Variants in NPAS3 observed in about 807,000 individuals in gnomAD.
The protein encoded by NPAS3 is neuronal PAS domain-containing protein 3.
A neutral mutation model predicts 73.1 loss-of-function variants in NPAS3; 14 were observed. The observed-to-expected ratio is 0.19, with a 90% CI of 0.13 to 0.30. The LOEUF (loss-of-function observed/expected upper bound fraction) is 0.30. NPAS3 is among the 10% of genes least tolerant of loss of function. The pLI, the probability that NPAS3 is intolerant of heterozygous loss-of-function variation, is 1.00. For synonymous variants in NPAS3, 620 were observed against 541.5 expected (o/e 1.14, Z -2.01); for missense variants, 1,096 against 1,250.0 (o/e 0.88, Z 1.86).
upstream of NPAS3, among the ~76,000 whole-genome samples, chr14:32,936,542 A>G (rs1053711527): frequency 2.0e-5 from 3 of 152,168 alleles, no homozygotes; most frequent in Non-Finnish European, 4.4e-5. Context: ...TGACAATAGT[A>G]TCTGGCGGTC....
chr14:33,592,508 G>A (rs879495249), intron 5 of NPAS3, among the ~76,000 whole-genome samples: 4 of 152,184 alleles, frequency 2.6e-5, no homozygotes, highest in Non-Finnish European at 4.4e-5. Flanking sequence ...CTAAAGAAGA[G>A]GTGGGATTTG....
intron 9 of NPAS3, among the ~76,000 whole-genome samples, chr14:33,785,131 A>G (rs531295868): frequency 6.6e-6 from 1 of 152,016 alleles, no homozygotes; most frequent in South Asian, 2.1e-4. Context: ...CGATCAGAAG[A>G]AGAAAACAAA....
At chr14:33,273,458 C>A (rs1000572415) in intron 3 of NPAS3, among the ~76,000 whole-genome samples, 3 of 152,144 alleles carry the variant, frequency 2.0e-5, no homozygotes, top group Non-Finnish European at 4.4e-5. Context: ...TCAGAGGCCC[C>A]ATTTTCTTAT....
rs565116575 is a variant in NPAS3 at position 33,014,950 on chromosome 14, G to A, written c.51-40955G>A. 2.6e-5 allele frequency among the ~76,000 whole-genome samples: 4 copies of A among 152,322 alleles called. 1 individual carries two copies. The South Asian group carries it at 8.3e-4, about 32-fold the overall frequency. ...CCAGCAGTAAGGAGTATTCACAGGTGCTGAGTTGTAGAGGACTCTTACTCG... is the reference window on the plus strand; with the variant it reads ...CCAGCAGTAAGGAGTATTCACAGGTACTGAGTTGTAGAGGACTCTTACTCG... On this transcript the variant is annotated intron_variant, in intron 1 of 11. Coordinates refer to ENST00000356141, the Ensembl canonical transcript of NPAS3.
At chr14:33,627,394 C>G (rs1474611011) in intron 5 of NPAS3, among the ~76,000 whole-genome samples, 1 of 152,228 alleles carries the variant, frequency 6.6e-6, no homozygotes, top group East Asian at 1.9e-4. Context: ...AGCTAAAATA[C>G]TCTTCACTAT....
intron 2 of NPAS3, among the ~76,000 whole-genome samples, chr14:33,141,605 CAT>C (rs1269483514): frequency 2.0e-5 from 3 of 152,106 alleles, no homozygotes; most frequent in African/African-American, 2.4e-5. Context: ...TAGCGTGTCT[CAT>C]ATCATTAAAT....
chr14:33,671,777 C>T (rs937495610), intron 5 of NPAS3, among the ~76,000 whole-genome samples: 3 of 151,564 alleles, frequency 2.0e-5, no homozygotes, highest in African/African-American at 7.3e-5. Flanking sequence ...ATGCTTCCTC[C>T]TTCTTCTGCT....
intron 5 of NPAS3, among the ~76,000 whole-genome samples, chr14:33,664,922 G>C (rs571438624): frequency 6.6e-6 from 1 of 152,170 alleles, no homozygotes; most frequent in Middle Eastern, 3.2e-3. Context: ...GTGTAAACTC[G>C]TTCAACCATT....
At chr14:33,092,022 T>C (rs538831331) in intron 2 of NPAS3, among the ~76,000 whole-genome samples, 5 of 152,310 alleles carry the variant, frequency 3.3e-5, no homozygotes, top group African/African-American at 1.2e-4. Context: ...TCATACTGAA[T>C]GGGCAACAAC....
chr14:33,276,716 C>T (rs1015312950), intron 3 of NPAS3, among the ~76,000 whole-genome samples: 15 of 151,870 alleles, frequency 9.9e-5, no homozygotes, highest in Non-Finnish European at 2.2e-4. Flanking sequence ...ACATATCATA[C>T]TTGGCATATA....
intron 4 of NPAS3, among the ~76,000 whole-genome samples, chr14:33,536,795 C>G (rs766475515): frequency 2.6e-5 from 4 of 151,980 alleles, no homozygotes; most frequent in African/African-American, 4.8e-5. Flanking sequence ...CTATGTTTAC[C>G]AATAAAATTA....
chr14:33,688,971 A>C (rs1387854375), intron 6 of NPAS3, among the ~76,000 whole-genome samples: 1 of 152,212 alleles, frequency 6.6e-6, no homozygotes, highest in Non-Finnish European at 1.5e-5. Flanking sequence ...AGACTTTTAA[A>C]ATCTGCAGTC....
At chr14:33,053,609 A>G (rs577494175) in intron 1 of NPAS3, among the ~76,000 whole-genome samples, 1 of 152,356 alleles carries the variant, frequency 6.6e-6, no homozygotes, top group South Asian at 2.1e-4. Flanking sequence ...TTTGATGATA[A>G]CATATTGTAG....
chr14:33,592,105 A>G (rs2057089259), intron 5 of NPAS3, among the ~76,000 whole-genome samples: 1 of 152,100 alleles, frequency 6.6e-6, no homozygotes, highest in African/African-American at 2.4e-5. Context: ...AACACACCTT[A>G]TTCACACCCC....
intron 5 of NPAS3, among the ~76,000 whole-genome samples, chr14:33,638,864 G>A (rs2058599485): frequency 6.6e-6 from 1 of 152,206 alleles, no homozygotes; most frequent in Non-Finnish European, 1.5e-5. Context: ...TAATGTAACT[G>A]TCCTAAATCT....
At chr14:32,957,720 T>C (rs1358553265) in intron 1 of NPAS3, among the ~76,000 whole-genome samples, 2 of 152,170 alleles carry the variant, frequency 1.3e-5, no homozygotes, top group African/African-American at 4.8e-5. Flanking sequence ...TTGCCTATTC[T>C]CTTAACAATT....
chr14:33,474,799 T>C (rs1251067903), intron 4 of NPAS3, among the ~76,000 whole-genome samples: 1 of 152,176 alleles, frequency 6.6e-6, no homozygotes. Context: ...CTGTGATGAA[T>C]TGTGGTGTCA....
chr14:33,288,049 C>G (rs2041949737), intron 3 of NPAS3, among the ~76,000 whole-genome samples: 1 of 152,066 alleles, frequency 6.6e-6, no homozygotes, highest in African/African-American at 2.4e-5. Context: ...ATGCAAATTA[C>G]TTTGCAATCC....
chr14:33,772,745 CG>C (rs924006454), intron 7 of NPAS3, among the ~76,000 whole-genome samples: 9 of 152,154 alleles, frequency 5.9e-5, no homozygotes, highest in South Asian at 2.1e-4. Context: ...CTTGCACAAA[CG>C]TGTGTCTGTG....
Sources: allele counts gnomAD v4.1 joint callset (sites outside exome capture counted in the v4.1 genomes callset), GRCh38; gene constraint gnomAD v4.1.1; transcripts MANE v1.5; gene names NCBI Gene and HGNC (gene_info 2026-07-23, HGNC 2026-07-21).